Variants in PTGER4 observed in about 807,000 individuals in gnomAD.
PTGER4 encodes the protein prostaglandin E receptor 4, also known as prostaglandin E2 receptor EP4 subtype.
In PTGER4, 11 loss-of-function variants were observed where a neutral mutation model predicts 33.2. The observed-to-expected ratio is 0.33, with a 90% CI of 0.21 to 0.55. The LOEUF (loss-of-function observed/expected upper bound fraction) is 0.55, where lower values mean the gene tolerates loss of function less well. Ranked by LOEUF, PTGER4 falls within the 20% of genes least tolerant of loss-of-function variation. PTGER4 has a pLI of 0.92. For synonymous variants in PTGER4, 275 were observed against 281.5 expected (o/e 0.98, Z 0.23); for missense variants, 481 against 650.2 (o/e 0.74, Z 2.83).
the PTGER4 span, among the ~76,000 whole-genome samples, chr5:40,725,118 G>C: frequency 6.1e-4 from 92 of 151,068 alleles, no homozygotes; most frequent in African/African-American, 2.2e-3. Context: ...AACATGCTGG[G>C]ATTACAGGCA....
At chr5:40,696,982 A>AGAGAGAG (rs66476258), downstream of PTGER4, among the ~76,000 whole-genome samples, 28 of 124,960 alleles carry the variant, frequency 2.2e-4, no homozygotes, top group East Asian at 3.2e-3. Context: ...GAGAGAGAGA[A>AGAGAGAG]AGAGAGAAAG....
chr5:40,730,817 G>A, the PTGER4 span, among the ~76,000 whole-genome samples: 1 of 151,916 alleles, frequency 6.6e-6, no homozygotes, highest in Non-Finnish European at 1.5e-5. Context: ...ACTTAGAAAT[G>A]GGTTCATATG....
the PTGER4 span, among the ~76,000 whole-genome samples, chr5:40,718,506 C>T: frequency 3.3e-5 from 5 of 152,088 alleles, no homozygotes; most frequent in African/African-American, 4.8e-5. Flanking sequence ...CTCTGGCAGG[C>T]GGAGGTGGGC....
the PTGER4 span, among the ~76,000 whole-genome samples, chr5:40,745,981 C>T: frequency 6.6e-6 from 1 of 152,172 alleles, no homozygotes; most frequent in African/African-American, 2.4e-5. Context: ...AGATACCATT[C>T]TATATTTTCT....
chr5:40,723,813 C>A, the PTGER4 span, among the ~76,000 whole-genome samples: 25 of 151,440 alleles, frequency 1.7e-4, no homozygotes, highest in Non-Finnish European at 3.2e-4. Flanking sequence ...TACAGTGAGC[C>A]GAGATCACAC....
the PTGER4 span, among the ~76,000 whole-genome samples, chr5:40,704,923 C>A: frequency 1.3e-5 from 2 of 152,158 alleles, no homozygotes; most frequent in African/African-American, 4.8e-5. Context: ...AGATTCAATG[C>A]TATTCCTATC....
the PTGER4 span, among the ~76,000 whole-genome samples, chr5:40,718,261 G>C: frequency 6.6e-6 from 1 of 151,602 alleles, no homozygotes; most frequent in Non-Finnish European, 1.5e-5. Flanking sequence ...AAAAAAATTA[G>C]TTGGACATAG....
At chr5:40,728,253 T>C in the PTGER4 span, 3 of 998,082 alleles carry the variant, frequency 3.0e-6, no homozygotes, top group Non-Finnish European at 2.7e-6. Flanking sequence ...CACTGCACTG[T>C]ACCCTGGGTG....
chr5:40,718,738 G>GA, the PTGER4 span, among the ~76,000 whole-genome samples: 81 of 138,504 alleles, frequency 5.8e-4, no homozygotes, highest in South Asian at 4.5e-4. Flanking sequence ...ATTCCGTCTC[G>GA]AAAAAAAAAA....
chr5:40,711,018 T>G, the PTGER4 span, among the ~76,000 whole-genome samples: 368 of 152,250 alleles, frequency 2.4e-3, no homozygotes, highest in African/African-American at 8.5e-3. Context: ...ATGGTACATG[T>G]ATACATATGT....
the PTGER4 span, among the ~76,000 whole-genome samples, chr5:40,719,655 A>C: frequency 6.6e-6 from 1 of 152,204 alleles, no homozygotes; most frequent in Non-Finnish European, 1.5e-5. Context: ...AACATTTTAC[A>C]TTCCCACCAG....
chr5:40,736,387 T>C, the PTGER4 span, among the ~76,000 whole-genome samples: 8 of 152,214 alleles, frequency 5.3e-5, no homozygotes, highest in Non-Finnish European at 1.2e-4. Flanking sequence ...ACAAAATGCA[T>C]GGTAAATTCT....
chr5:40,692,205 A>C lies in PTGER4; in HGVS notation c.1294A>C (p.Arg432=). 1 of 1,614,220 alleles carries C rather than the reference A, an allele frequency of 6.2e-7. No homozygotes were observed. The highest frequency in any genetic ancestry group is 1.1e-5 in the South Asian group (1 of 91,088). ...GLAQEDTTSL[R]TLRISETSDS... ...GGCCCAGGAAGACACCACCTCACTG[A>C]GGACTTTGCGAATATCAGAGACCTC... Residue 432 remains arginine, a synonymous_variant, in exon 3 of 3, where the codon AGG becomes CGG. Transcript: ENST00000302472.
chr5:40,723,972 A>C, the PTGER4 span, among the ~76,000 whole-genome samples: 1 of 152,218 alleles, frequency 6.6e-6, no homozygotes, highest in African/African-American at 2.4e-5. Flanking sequence ...GCCATTATGG[A>C]GTTTCTTCAA....
chr5:40,691,742 A>G lies in PTGER4; in HGVS notation c.868-37A>G. On this transcript the variant is annotated intron_variant, in intron 2 of 2. Transcript: ENST00000302472. The surrounding 1 kb of genome is among the most constrained non-coding windows in gnomAD (Gnocchi z 4.2). The stretch of plus-strand genomic sequence containing the variant: ...CATTTATATGTTTTCCCAATTGATT[A>G]ATGATGAAATCTAAATGTGCGATCT... 1 of 1,575,968 alleles carries G rather than the reference A, an allele frequency of 6.3e-7. No individual in the cohort carries two copies. The highest frequency in any genetic ancestry group is 1.2e-5 in the South Asian group (1 of 84,514).
At chr5:40,738,519 AAATAAAATACAATAAAATAC>A in the PTGER4 span, among the ~76,000 whole-genome samples, 3 of 69,046 alleles carry the variant, frequency 4.3e-5, no homozygotes, top group African/African-American at 1.0e-4. Context: ...AAATACAATA[AAATAAAATACAATAAAATAC>A]AATAAAATAA....
In PTGER4 at chr5:40,692,525, T is replaced by C. The variant is rs1405427104; in HGVS notation, c.*147T>C. ...AGAACATCCTGGCTTTTGAGCACTT[T>C]TCAAACAATCAAGTTGACTCACGTG... is the stretch of plus-strand genomic sequence containing the variant. On this transcript the variant is annotated 3_prime_UTR_variant, in exon 3 of 3. Transcript: ENST00000302472. The C allele has an allele frequency of 2.1e-6, 3 of 1,451,542 alleles. No homozygotes were observed. The African/African-American group carries it at 4.3e-5, about 21-fold the overall frequency. The allele number at this position is 1,451,542 out of a possible 1,614,324, so 89.9% of individuals were successfully genotyped here.
At chr5:40,708,627 T>G in the PTGER4 span, among the ~76,000 whole-genome samples, 1 of 152,206 alleles carries the variant, frequency 6.6e-6, no homozygotes, top group African/African-American at 2.4e-5. Flanking sequence ...GTACCATTCC[T>G]TCTGAAACTA....
At chr5:40,722,090 CA>C in the PTGER4 span, among the ~76,000 whole-genome samples, 1 of 152,304 alleles carries the variant, frequency 6.6e-6, no homozygotes, top group Admixed American at 6.5e-5. Flanking sequence ...TCATGAGTCC[CA>C]GCTACTCGGG....
Sources: gnomAD v4.1 joint callset for allele counts (sites outside exome capture counted in the v4.1 genomes callset) on GRCh38, gnomAD v4.1.1 for gene constraint, Gnocchi (gnomAD v3.1) non-coding constraint, MANE v1.5 for transcripts, NCBI Gene and HGNC (gene_info 2026-07-23, HGNC 2026-07-21) for gene names.